The following UGT1A8 variants were observed in gnomAD, a reference collection of about 807,000 sequenced individuals.
UGT1A8 encodes UDP glucuronosyltransferase family 1 member A8, also known as UDP-glucuronosyltransferase 1A8.
In UGT1A8, 39 loss-of-function variants were observed where a neutral mutation model predicts 45.3. That is an observed-to-expected ratio of 0.86 (90% confidence interval 0.67 to 1.12). The LOEUF (loss-of-function observed/expected upper bound fraction) is 1.12, where lower values mean the gene tolerates loss of function less well. Ranked by LOEUF, UGT1A8 falls within the 50% of genes most tolerant of loss-of-function variation. UGT1A8 has a pLI of 0.00. For synonymous variants in UGT1A8, 275 were observed against 249.2 expected (o/e 1.10, Z -0.97); for missense variants, 719 against 664.9 (o/e 1.08, Z -0.90).
At chr2:233,695,786 T>C (rs2075307257) in intron 1 of UGT1A8, among the ~76,000 whole-genome samples, 3 of 152,220 alleles carry the variant, frequency 2.0e-5, no homozygotes, top group Non-Finnish European at 2.9e-5. Context: ...TTTTCCATTC[T>C]GTATATGTAC....
rs2076727897 is a variant in UGT1A8, at chr2:233,719,116, G to C, written c.856-47918G>C. On this transcript the variant is annotated intron_variant, in intron 1 of 4. Coordinates refer to ENST00000373450, the MANE Select transcript of UGT1A8 (RefSeq NM_019076.5). Reference sequence around the variant, plus strand: ...CGCGTTACGCTGGGCTACACTCAAGGGTTCTTTGAAACAGAACATCTTCTG... The same window carrying C: ...CGCGTTACGCTGGGCTACACTCAAGCGTTCTTTGAAACAGAACATCTTCTG... 4 of 1,614,102 alleles carry C rather than the reference G, an allele frequency of 2.5e-6. No homozygotes were observed. In the African/African-American group the frequency reaches 5.3e-5, roughly 22 times the overall value.
chr2:233,647,363 T>C (rs1281389947), intron 1 of UGT1A8, among the ~76,000 whole-genome samples: 1 of 152,224 alleles, frequency 6.6e-6, no homozygotes, highest in Non-Finnish European at 1.5e-5. Flanking sequence ...TGTCACATCT[T>C]TATCTGGTTT....
intron 1 of UGT1A8, among the ~76,000 whole-genome samples, chr2:233,702,006 G>T (rs1014766154): frequency 6.6e-6 from 1 of 152,034 alleles, no homozygotes; most frequent in East Asian, 1.9e-4. Flanking sequence ...GAGCAGAACT[G>T]AAGGAAATAG....
intron 1 of UGT1A8, chr2:233,682,122 T>C: frequency 6.2e-7 from 1 of 1,614,094 alleles, no homozygotes; most frequent in Non-Finnish European, 8.5e-7. Context: ...ATGCCAGAGG[T>C]GAGTTGGCAA....
intron 1 of UGT1A8, among the ~76,000 whole-genome samples, chr2:233,630,576 A>T (rs2073169172): frequency 6.6e-6 from 1 of 152,158 alleles, no homozygotes; most frequent in Non-Finnish European, 1.5e-5. Context: ...ACAGTTTGGC[A>T]GACTTTATAT....
At chr2:233,638,078 A>T (rs961705449) in intron 1 of UGT1A8, among the ~76,000 whole-genome samples, 1 of 152,152 alleles carries the variant, frequency 6.6e-6, no homozygotes, top group African/African-American at 2.4e-5. Context: ...CTTTTATCTT[A>T]GTAGACTAGA....
intron 1 of UGT1A8, chr2:233,717,989 C>A: frequency 2.3e-6 from 1 of 440,050 alleles, no homozygotes; most frequent in South Asian, 1.6e-5. Context: ...GGAATTCAGA[C>A]TGTGCAAGAT....
rs28899172 is a variant in UGT1A8 at position 233,701,035 on chromosome 2, C to A, written c.856-65999C>A. On this transcript the variant is annotated intron_variant, in intron 1 of 4. Coordinates refer to ENST00000373450, the MANE Select transcript of UGT1A8 (RefSeq NM_019076.5). ...GTTTCCAGTTTCATCCATGTCCCTACAAAGGACATGAACTCATAATTTTTT... is the reference window on the plus strand; with the variant it reads ...GTTTCCAGTTTCATCCATGTCCCTAAAAAGGACATGAACTCATAATTTTTT... Among the ~76,000 whole-genome samples, 652 of 152,278 alleles carry A rather than the reference C, an allele frequency of 4.3e-3. 9 individuals carry two copies. Among genetic ancestry groups the A allele is most frequent in the African/African-American group, 0.015 (618 of 41,550 alleles).
At chr2:233,759,709 C>T (rs139134152) in intron 1 of UGT1A8, among the ~76,000 whole-genome samples, 6 of 151,084 alleles carry the variant, frequency 4.0e-5, no homozygotes, top group Non-Finnish European at 8.8e-5. Flanking sequence ...GGCGCGTGCT[C>T]GTGTGGTGGG....
chr2:233,627,624 T>TTCCTTCCTTC, intron 1 of UGT1A8, among the ~76,000 whole-genome samples: 1 of 112,020 alleles, frequency 8.9e-6, no homozygotes, highest in African/African-American at 3.3e-5. Context: ...TTCCTTCCTT[T>TTCCTTCCTTC]CTTCCTTCCT....
rs2078811947 is a variant in UGT1A8 at position 233,736,813 on chromosome 2, C to T, written c.856-30221C>T. 3.9e-5 allele frequency among the ~76,000 whole-genome samples: 6 copies of T among 152,224 alleles called. No individual in the cohort carries two copies. The South Asian group carries it at 1.2e-3, about 31-fold the overall frequency. Reference sequence around the variant, plus strand: ...TCTGTTGGAGTTTGCTGGAGGTCCACTCCAGATGCTCTTTGCTTTGGTATC... The same window carrying T: ...TCTGTTGGAGTTTGCTGGAGGTCCATTCCAGATGCTCTTTGCTTTGGTATC... On this transcript the variant is annotated intron_variant, in intron 1 of 4. Transcript: ENST00000373450.
chr2:233,665,520 G>A (rs968439582), intron 1 of UGT1A8, among the ~76,000 whole-genome samples: 4 of 152,186 alleles, frequency 2.6e-5, no homozygotes, highest in Non-Finnish European at 5.9e-5. Flanking sequence ...AGAAGCAATA[G>A]GAATGAGGGT....
intron 1 of UGT1A8, among the ~76,000 whole-genome samples, chr2:233,736,155 C>T (rs1455121257): frequency 4.6e-5 from 7 of 152,206 alleles, no homozygotes; most frequent in Admixed American, 6.5e-5. Context: ...ACCAGTCAAA[C>T]GTAGATTTGG....
At chr2:233,678,886 T>C (rs958631363) in intron 1 of UGT1A8, among the ~76,000 whole-genome samples, 8 of 152,202 alleles carry the variant, frequency 5.3e-5, no homozygotes, top group South Asian at 4.1e-4. Flanking sequence ...ACTTCCTTGA[T>C]TGGCTCTGTC....
chr2:233,693,916 C>T (rs1297331080), intron 1 of UGT1A8: 2 of 1,611,140 alleles, frequency 1.2e-6, no homozygotes, highest in South Asian at 1.1e-5. Flanking sequence ...AGGCTCTGTC[C>T]TCCCTCACTC....
At chr2:233,727,703 C>T (rs944124074) in intron 1 of UGT1A8, among the ~76,000 whole-genome samples, 2 of 152,208 alleles carry the variant, frequency 1.3e-5, no homozygotes, top group Non-Finnish European at 2.9e-5. Context: ...CTGGACAGTT[C>T]CCAAAGCCCT....
chr2:233,690,537 C>T, intron 1 of UGT1A8: 1 of 1,289,784 alleles, frequency 7.8e-7, no homozygotes, highest in Non-Finnish European at 1.0e-6. Flanking sequence ...TTCTTTCACC[C>T]CACTGGAATA....
At chr2:233,752,601 A>T (rs969086099) in intron 1 of UGT1A8, 2 of 152,086 alleles carry the variant, frequency 1.3e-5, no homozygotes, top group Non-Finnish European at 2.9e-5. Flanking sequence ...GATTTTTTTT[A>T]AAAAAACATT....
intron 1 of UGT1A8, among the ~76,000 whole-genome samples, chr2:233,657,530 T>C (rs759041193): frequency 2.0e-5 from 3 of 152,128 alleles, no homozygotes; most frequent in African/African-American, 4.8e-5. Context: ...TCACCCATTA[T>C]CGGGAAAAAC....
Sources: allele counts gnomAD v4.1 joint callset (sites outside exome capture counted in the v4.1 genomes callset), GRCh38; gene constraint gnomAD v4.1.1; transcripts MANE v1.5; gene names NCBI Gene and HGNC (gene_info 2026-07-23, HGNC 2026-07-21).